The following ZYX variants were observed in gnomAD, a reference collection of about 807,000 sequenced individuals.
ZYX encodes the protein zyxin, also known as zyxin-2.
Under a neutral mutation model 58.1 loss-of-function variants are expected in ZYX, and 37 were observed. The ratio of observed to expected loss-of-function variants is 0.64; its 90% CI spans 0.49 to 0.84. ZYX has a LOEUF of 0.84. ZYX is among the 40% of genes least tolerant of loss of function. The pLI is 0.00. For synonymous variants in ZYX, 324 were observed against 321.1 expected, an observed-to-expected ratio of 1.01 and a Z score of -0.10; for missense variants, 762 against 761.6, an observed-to-expected ratio of 1.00 and a Z score of -0.01.
Position 143,390,698 on chromosome 7 carries a change from C to T in ZYX, c.*16C>T, listed in dbSNP as rs1805038843. The T allele has an allele frequency of 6.4e-7, 1 of 1,551,292 alleles. No individual in the cohort carries two copies. Among genetic ancestry groups the T allele is most frequent in the Admixed American group, 1.9e-5 (1 of 52,140 alleles). The stretch of plus-strand genomic sequence containing the variant: ...CCAGACCTGAGTGAGGACAGGCCCT[C>T]TTCAGACCGCAGTCCATGCCCCATT... On this transcript the variant is annotated 3_prime_UTR_variant, in exon 10 of 10. Coordinates refer to ENST00000322764, the MANE Select transcript of ZYX (RefSeq NM_003461.5). The surrounding 1 kb of genome is among the most constrained non-coding windows in gnomAD (Gnocchi z 4.3).
rs777650132 is a variant in ZYX, at chr7:143,383,201, C to T, written c.902C>T (p.Ala301Val). ...QPNQKLGHPE[A>V]LSAGTGSPQP... ...AATCAAAAATTGGGGCACCCCGAAG[C>T]TCTTTCTGCTGGCACAGGCTCCCCT... The change falls in exon 5 of 10, where the codon GCT becomes GTT. Residue 301 changes from alanine to valine, a missense_variant. Transcript: ENST00000322764. 1.9e-6 allele frequency: 3 copies of T among 1,614,226 alleles called. No homozygotes were observed. Among genetic ancestry groups the T allele is most frequent in the Admixed American group, 3.3e-5 (2 of 60,036 alleles).
In ZYX at chr7:143,382,399, T is replaced by C; in HGVS notation, c.360T>C (p.Pro120=). The change falls in exon 3 of 10, where the codon CCT becomes CCC. Residue 120 remains proline, a synonymous_variant. Transcript: ENST00000322764. ...AGATCTTCCCTTCCCCGCCGCCTCC[T>C]CCGGAGGAGGAGGGAGGGCCTGAGG... ...EEEIFPSPPP[P]PEEEGGPEAP... 1.3e-6 allele frequency: 2 copies of C among 1,579,460 alleles called. No homozygotes were observed. The highest frequency in any genetic ancestry group is 1.7e-6 in the Non-Finnish European group (2 of 1,163,934).
Position 143,381,731 on chromosome 7 carries a change from C to T in ZYX, c.160C>T (p.Arg54Cys), listed in dbSNP as rs557783462. 3 of 1,598,942 alleles carry T rather than the reference C, an allele frequency of 1.9e-6. No homozygotes were observed. Among genetic ancestry groups the T allele is most frequent in the East Asian group, 2.3e-5 (1 of 43,648 alleles). Reference protein sequence around the residue: ...SEPPPAPGAQRAQMGRVGEIP... With the variant: ...SEPPPAPGAQCAQMGRVGEIP... ...GCCTCCCCCGGCACCCGGGGCCCAG[C>T]GCGCACAGATGGGCCGGGTGGGCGA... The change falls in exon 2 of 10, where the codon CGC becomes TGC. Residue 54 changes from arginine to cysteine, a missense_variant. Arg to Cys is a radical substitution (Grantham distance 180). Coordinates refer to ENST00000322764, the MANE Select transcript of ZYX (RefSeq NM_003461.5).
chr7:143,381,545 G>A lies in ZYX; in HGVS notation c.-15-12G>A. The stretch of plus-strand genomic sequence containing the variant: ...CCGGCTCCGCGCTGCGTAACCCGGC[G>A]ACCCACCCCAGCAGCCCGGCCCGGC... On this transcript the variant is annotated splice_polypyrimidine_tract_variant and intron_variant, in intron 1 of 9. Coordinates refer to ENST00000322764, the MANE Select transcript of ZYX (RefSeq NM_003461.5). The A allele has an allele frequency of 6.2e-7, 1 of 1,601,106 alleles. No individual in the cohort carries two copies. The highest frequency in any genetic ancestry group is 1.1e-5 in the South Asian group (1 of 89,862).
At position 143,383,090 on chromosome 7, in the gene ZYX, C is replaced by T. The variant is rs750508246; in HGVS notation, c.791C>T (p.Pro264Leu). 2.5e-6 allele frequency: 4 copies of T among 1,614,104 alleles called. No homozygotes were observed. The highest frequency in any genetic ancestry group is 3.4e-6 in the Non-Finnish European group (4 of 1,180,048). The change falls in exon 5 of 10, where the codon CCT becomes CTT. Residue 264 changes from proline to leucine, a missense_variant. Transcript: ENST00000322764. Reference sequence around the variant, plus strand: ...CCAGCCTCATCTCCGGCTCCAGCCCCTAAGTTTTCTCCAGTGACTCCTAAG... The same window carrying T: ...CCAGCCTCATCTCCGGCTCCAGCCCTTAAGTTTTCTCCAGTGACTCCTAAG... ...GPPASSPAPA[P>L]KFSPVTPKFT... is the part of the protein sequence containing the mutation.
Position 143,388,596 on chromosome 7 carries a change from C to G in ZYX, c.1252C>G (p.Gln418Glu). 2 of 1,612,988 alleles carry G rather than the reference C, an allele frequency of 1.2e-6. No individual in the cohort carries two copies. The highest frequency in any genetic ancestry group is 1.7e-6 in the Non-Finnish European group (2 of 1,179,978). ...ACFTCHQCAQ[Q>E]LQGQQFYSLE... ...CTTCACCTGCCACCAGTGTGCGCAG[C>G]AGCTCCAGGGCCAGCAGTTCTACAG... Residue 418 changes from glutamine to glutamate, a missense_variant, in exon 7 of 10, where the codon CAG (glutamine) becomes GAG (glutamate). Coordinates refer to ENST00000322764, the MANE Select transcript of ZYX (RefSeq NM_003461.5). The surrounding 1 kb of genome is among the most constrained non-coding windows in gnomAD (Gnocchi z 7.5).
rs1286325012 is a variant in ZYX, at chr7:143,382,387, C to A, written c.348C>A (p.Ser116=). 1 of 1,580,486 alleles carries A rather than the reference C, an allele frequency of 6.3e-7. No individual in the cohort carries two copies. Among genetic ancestry groups the A allele is most frequent in the South Asian group, 1.1e-5 (1 of 88,188 alleles). The part of the protein sequence containing the change: ...PAPLEEEIFP[S]PPPPPEEEGG... ...CTCTGGAGGAGGAGATCTTCCCTTC[C>A]CCGCCGCCTCCTCCGGAGGAGGAGG... Residue 116 remains serine (S), a synonymous_variant, in exon 3 of 10, where the codon TCC becomes TCA. Coordinates refer to ENST00000322764, the MANE Select transcript of ZYX (RefSeq NM_003461.5).
Position 143,390,347 on chromosome 7 carries a change from G to A in ZYX, c.1615-231G>A, listed in dbSNP as rs901001795. 3.1e-5 allele frequency: 18 copies of A among 574,338 alleles called. No homozygotes were observed. The African/African-American group carries it at 3.4e-4, about 11-fold the overall frequency. 35.6% of individuals were successfully genotyped at this position (574,338 alleles called of 1,614,324 possible). On this transcript the variant is annotated intron_variant, in intron 9 of 9. Transcript: ENST00000322764. This position sits in a 1 kb window ranked among gnomAD's most constrained non-coding sequence, Gnocchi z 4.3. ...AGGGTGGTGGTGGGCAGGGGAGCAA[G>A]CACCTTGGGAGCAGCTCTACCCACT...
In ZYX at chr7:143,390,067, C is replaced by T; in HGVS notation, c.1614+90C>T. On this transcript the variant is annotated intron_variant, in intron 9 of 9. Transcript: ENST00000322764. The surrounding 1 kb of genome is among the most constrained non-coding windows in gnomAD (Gnocchi z 4.3). ...CTAACTGGGAGGTGGAAAGCACCAG[C>T]ATTCAGGAAACAGGGCTGTGATTTT... 1 of 1,557,260 alleles carries T rather than the reference C, an allele frequency of 6.4e-7. No individual in the cohort carries two copies. The highest frequency in any genetic ancestry group is 8.7e-7 in the Non-Finnish European group (1 of 1,143,142).
Position 143,388,058 on chromosome 7 carries a change from CG to C in ZYX, c.1024-156del. ...GTTATTTGTGTGGTGCTGGGGATGG[CG>C]GGGGTAGGGGGACGAGGGAGAAGCT... On this transcript the variant is annotated intron_variant, in intron 5 of 9. Transcript: ENST00000322764. The surrounding 1 kb of genome is among the most constrained non-coding windows in gnomAD (Gnocchi z 7.5). 1.3e-6 allele frequency: 1 copy of C among 781,158 alleles called. No homozygotes were observed. Among genetic ancestry groups the C allele is most frequent in the Non-Finnish European group, 2.0e-6 (1 of 492,046 alleles). 48.4% of individuals were successfully genotyped at this position (781,158 alleles called of 1,614,324 possible). A position where few individuals can be genotyped will look rare whatever the true frequency, so the allele number is the denominator to read the frequency against.
chr7:143,383,203 C>T lies in ZYX; in HGVS notation c.904C>T (p.Leu302Phe), dbSNP rs1417836675. The change falls in exon 5 of 10, where the codon CTT (leucine) becomes TTT (phenylalanine). Residue 302 changes from leucine (L) to phenylalanine (F), a missense_variant. Physicochemically the swap from Leu to Phe is conservative, Grantham distance 22. Transcript: ENST00000322764. ...TCAAAAATTGGGGCACCCCGAAGCTCTTTCTGCTGGCACAGGCTCCCCTCA... is the reference window on the plus strand; with the variant it reads ...TCAAAAATTGGGGCACCCCGAAGCTTTTTCTGCTGGCACAGGCTCCCCTCA... ...PNQKLGHPEALSAGTGSPQPP... is the reference protein window; with the variant it reads ...PNQKLGHPEAFSAGTGSPQPP... The T allele has an allele frequency of 1.9e-6, 3 of 1,614,086 alleles. No individual in the cohort carries two copies. The highest frequency in any genetic ancestry group is 1.7e-5 in the Admixed American group (1 of 60,006).
At chr7:143,383,427 C>A in intron 5 of ZYX, 105 bp downstream of exon 5, 1 of 1,034,426 alleles carries the variant, frequency 9.7e-7, no homozygotes, top group Non-Finnish European at 1.3e-6. Flanking sequence ...AGGGTGGACA[C>A]GGGGGTTGCG....
rs11552742 is a variant in ZYX at position 143,382,315 on chromosome 7, C to T, written c.276C>T (p.Ala92=). 7,522 of 1,610,402 alleles carry T rather than the reference C, an allele frequency of 4.7e-3. 29 individuals are homozygous for T. The highest frequency in any genetic ancestry group is 5.6e-3 in the Non-Finnish European group (6,572 of 1,177,970). The change falls in exon 3 of 10, where the codon GCC becomes GCT. Residue 92 remains alanine, a synonymous_variant. Transcript: ENST00000322764. ...ATGCAGAGGGTGCTCTGGGAGGTGC[C>T]TTCCCGCCGCCCCCTCCCCCGATCG... ...GDDAEGALGG[A]FPPPPPPIEE...
chr7:143,390,455 T>A lies in ZYX; in HGVS notation c.1615-123T>A. 1 of 729,492 alleles carries A rather than the reference T, an allele frequency of 1.4e-6. No homozygotes were observed. The highest frequency in any genetic ancestry group is 2.3e-6 in the Non-Finnish European group (1 of 440,830). The allele number at this position is 729,492 out of a possible 1,614,324, so 45.2% of individuals were successfully genotyped here. A position where few individuals can be genotyped will look rare whatever the true frequency, so the allele number is the denominator to read the frequency against. On this transcript the variant is annotated intron_variant, in intron 9 of 9. Transcript: ENST00000322764. This position sits in a 1 kb window ranked among gnomAD's most constrained non-coding sequence, Gnocchi z 4.3. ...AGTTGGGTGTGGCTGGAAAAAGCGA[T>A]GACACCAGCTCTGAGCCATGAAGCA...
Position 143,389,808 on chromosome 7 carries a change from G to A in ZYX, c.1494-49G>A, listed in dbSNP as rs532211074. ...AACCTGGCTTATGCGTGCGCACACC[G>A]GGGATGAAAGCCCTGGCTAACTCGG... On this transcript the variant is annotated intron_variant, in intron 8 of 9. Coordinates refer to ENST00000322764, the MANE Select transcript of ZYX (RefSeq NM_003461.5). The surrounding 1 kb of genome is among the most constrained non-coding windows in gnomAD (Gnocchi z 5.6). 2.1e-5 allele frequency: 33 copies of A among 1,607,468 alleles called. No individual in the cohort carries two copies. The highest frequency in any genetic ancestry group is 1.1e-4 in the South Asian group (10 of 90,748).
At position 143,384,927 on chromosome 7, in the gene ZYX, C is replaced by A. The variant is rs1457529087; in HGVS notation, c.1023+1605C>A. Reference sequence around the variant, plus strand: ...CTGGGGCCGTCATTCAGCTAGAAATCCAGGGCTAGGTTTCAGGAGAGGGCC... The same window carrying A: ...CTGGGGCCGTCATTCAGCTAGAAATACAGGGCTAGGTTTCAGGAGAGGGCC... On this transcript the variant is annotated intron_variant, in intron 5 of 9. Transcript: ENST00000322764. The surrounding 1 kb of genome is among the most constrained non-coding windows in gnomAD (Gnocchi z 4.9). 6.6e-6 allele frequency among the ~76,000 whole-genome samples: 1 copy of A among 152,230 alleles called. No individual in the cohort carries two copies. Among genetic ancestry groups the A allele is most frequent in the East Asian group, 1.9e-4 (1 of 5,170 alleles).
chr7:143,386,527 C>A (rs1421174296), intron 5 of ZYX, among the ~76,000 whole-genome samples: 1 of 152,068 alleles, frequency 6.6e-6, no homozygotes, highest in Non-Finnish European at 1.5e-5. Flanking sequence ...GTTCAGTGAT[C>A]TCTCCACTGC....
rs1329321425 is a variant in ZYX at position 143,382,455 on chromosome 7, G to A, written c.408+8G>A. The A allele has an allele frequency of 3.1e-6, 5 of 1,599,374 alleles. No individual in the cohort carries two copies. In the Admixed American group the frequency reaches 8.7e-5, roughly 28 times the overall value. ...ATACCGCCCCCACCACAGGTACGGA[G>A]GCCTGGGAGGGGCGGCTGCACTGGA... On this transcript the variant is annotated splice_region_variant and intron_variant, in intron 3 of 9. Transcript: ENST00000322764.
In ZYX at chr7:143,390,766, T is replaced by C; in HGVS notation, c.*84T>C. 1 of 1,059,370 alleles carries C rather than the reference T, an allele frequency of 9.4e-7. No individual in the cohort carries two copies. The highest frequency in any genetic ancestry group is 1.4e-5 in the South Asian group (1 of 72,962). The allele number at this position is 1,059,370 out of a possible 1,614,324, so 65.6% of individuals were successfully genotyped here. ...AGACCACCTGCCCCCACCTCAGTTA[T>C]TGTTTTGATGTCTAGCCCCTCCCAT... On this transcript the variant is annotated 3_prime_UTR_variant, in exon 10 of 10. Transcript: ENST00000322764. This position sits in a 1 kb window ranked among gnomAD's most constrained non-coding sequence, Gnocchi z 4.3.
Sources: gnomAD v4.1 joint callset for allele counts (sites outside exome capture counted in the v4.1 genomes callset) on GRCh38, gnomAD v4.1.1 for gene constraint, Gnocchi (gnomAD v3.1) non-coding constraint, MANE v1.5 for transcripts, NCBI Gene and HGNC (gene_info 2026-07-23, HGNC 2026-07-21) for gene names.